ANK3: variants seen among roughly 807,000 people sequenced by gnomAD.
The protein encoded by ANK3 is ankyrin 3.
Under a neutral mutation model 370.9 loss-of-function variants are expected in ANK3, and 57 were observed. The ratio of observed to expected loss-of-function variants is 0.15; its 90% CI spans 0.12 to 0.19. The LOEUF (loss-of-function observed/expected upper bound fraction) is 0.19. ANK3 is among the 10% of genes least tolerant of loss of function. ANK3 has a pLI of 1.00. For synonymous variants in ANK3, 1,929 were observed against 1,946.3 expected, an observed-to-expected ratio of 0.99 and a Z score of 0.23; for missense variants, 4,439 against 5,302.1, an observed-to-expected ratio of 0.84 and a Z score of 5.06.
At chr10:60,715,827 C>T (rs2079778924) in intron 1 of ANK3, among the ~76,000 whole-genome samples, 1 of 152,120 alleles carries the variant, frequency 6.6e-6, no homozygotes, top group East Asian at 1.9e-4. Flanking sequence ...CATTAAGGTT[C>T]TAATCTGAAG....
intron 23 of ANK3, among the ~76,000 whole-genome samples, chr10:60,159,583 A>C (rs1591018473): frequency 6.6e-6 from 1 of 152,200 alleles, no homozygotes; most frequent in Non-Finnish European, 1.5e-5. Context: ...AGACATGCAC[A>C]GAACATTCTA....
intron 2 of ANK3, among the ~76,000 whole-genome samples, chr10:60,410,629 A>G (rs1014212217): frequency 2.0e-5 from 3 of 152,110 alleles, no homozygotes; most frequent in Non-Finnish European, 4.4e-5. Flanking sequence ...TTGATGTGAC[A>G]TGTGGCACCT....
At chr10:60,058,117 G>T (rs1409350946) in intron 41 of ANK3, among the ~76,000 whole-genome samples, 1 of 152,164 alleles carries the variant, frequency 6.6e-6, no homozygotes, top group Non-Finnish European at 1.5e-5. Context: ...ATTACTATTT[G>T]TGTCAGTCAT....
chr10:60,337,022 G>C (rs1010551458), intron 1 of ANK3, among the ~76,000 whole-genome samples: 3 of 112,282 alleles, frequency 2.7e-5, no homozygotes, highest in Non-Finnish European at 4.0e-5. Flanking sequence ...CAAGAAAAAG[G>C]CTTTAAAAAA....
chr10:60,111,414 A>G (rs1385445202), intron 26 of ANK3, among the ~76,000 whole-genome samples: 2 of 152,214 alleles, frequency 1.3e-5, no homozygotes, highest in Non-Finnish European at 2.9e-5. Flanking sequence ...CATGGGTCCT[A>G]TTATTTAATA....
chr10:60,068,094 CA>C, intron 37 of ANK3, 85 bp from the exon 38 acceptor site: 3 of 1,211,624 alleles, frequency 2.5e-6, no homozygotes, highest in Non-Finnish European at 3.6e-6. Context: ...GCAGATTTTA[CA>C]GAGAGACTAA....
At position 60,382,688 on chromosome 10, in the gene ANK3, A is replaced by C. The variant is rs145172150; in HGVS notation, c.114+6737T>G. ...AAACTAGAACAACAATTTGGGCAAAACTATAGCAAATTGCTTGTTATTTCT... is the reference window on the plus strand; with the variant it reads ...AAACTAGAACAACAATTTGGGCAAACCTATAGCAAATTGCTTGTTATTTCT... On this transcript the variant is annotated intron_variant, in intron 1 of 43. Transcript: ENST00000280772. Among the ~76,000 whole-genome samples the C allele has an allele frequency of 5.9e-5, 9 of 151,938 alleles. No individual in the cohort carries two copies. In the East Asian group the frequency reaches 1.7e-3, roughly 29 times the overall value.
intron 1 of ANK3, among the ~76,000 whole-genome samples, chr10:60,338,959 C>A (rs192420126): frequency 2.0e-5 from 3 of 152,046 alleles, no homozygotes; most frequent in Non-Finnish European, 4.4e-5. Context: ...GGTCTGGAAG[C>A]CATGAAGTCT....
chr10:60,038,261 G>T (rs2075466929), intron 43 of ANK3, among the ~76,000 whole-genome samples: 1 of 152,178 alleles, frequency 6.6e-6, no homozygotes, highest in Non-Finnish European at 1.5e-5. Context: ...GCGGGGCATG[G>T]TAGCATGTGC....
At chr10:60,134,402 A>C in intron 24 of ANK3, 29 bp from the exon 25 acceptor site, 2 of 1,561,732 alleles carry the variant, frequency 1.3e-6, no homozygotes, top group Non-Finnish European at 8.8e-7. Context: ...ACCATTCAAC[A>C]GTGGTAGATG....
At position 60,181,281 on chromosome 10, in the gene ANK3, C is replaced by T. The variant is rs760202037; in HGVS notation, c.2184+48G>A. On this transcript the variant is annotated intron_variant, in intron 18 of 43. Transcript: ENST00000280772. ...ATTATAGTTTCTTCCTTACTGCAGTCACCAAATGGACACATTCTTTTCCGT... is the reference window on the plus strand; with the variant it reads ...ATTATAGTTTCTTCCTTACTGCAGTTACCAAATGGACACATTCTTTTCCGT... The T allele has an allele frequency of 3.3e-6, 5 of 1,510,404 alleles. No individual in the cohort carries two copies. The South Asian group carries it at 5.6e-5, about 17-fold the overall frequency. 93.6% of individuals were successfully genotyped at this position (1,510,404 alleles called of 1,614,324 possible).
rs753430967 is a variant in ANK3 at position 60,088,177 on chromosome 10, G to C, written c.3510C>G (p.Ala1170=). ...GGCCCACTCGAATTCTTTTAGTTAG[G>C]GCACCCTCTGGGAAAGATGCTTGAA... ...PLVQASFPEG[A]LTKRIRVGLQ... is the part of the protein sequence containing the mutation. Residue 1170 remains alanine (A), a synonymous_variant, in exon 29 of 44, where the codon GCC becomes GCG. Coordinates refer to ENST00000280772, the MANE Select transcript of ANK3 (RefSeq NM_020987.5). 6.8e-6 allele frequency: 11 copies of C among 1,614,088 alleles called. No homozygotes were observed. The South Asian group carries it at 9.9e-5, about 15-fold the overall frequency.
At chr10:60,204,747 G>A (rs1469821982) in intron 11 of ANK3, among the ~76,000 whole-genome samples, 1 of 152,082 alleles carries the variant, frequency 6.6e-6, no homozygotes, top group Non-Finnish European at 1.5e-5. Flanking sequence ...TTCAGCCTCT[G>A]GGGTTCTTGG....
chr10:60,184,920 A>C (rs2096285658), intron 17 of ANK3, among the ~76,000 whole-genome samples: 2 of 152,218 alleles, frequency 1.3e-5, no homozygotes, highest in Non-Finnish European at 2.9e-5. Flanking sequence ...ATACACTCTG[A>C]TACCAGCATG....
At chr10:60,105,771 A>C in intron 28 of ANK3, 134 bp downstream of exon 28, 1 of 871,286 alleles carries the variant, frequency 1.1e-6, no homozygotes, top group Non-Finnish European at 1.7e-6. Flanking sequence ...AGAAAACAGC[A>C]ACAAAAGCTG....
intron 2 of ANK3, among the ~76,000 whole-genome samples, chr10:60,566,669 T>G (rs2077470532): frequency 1.3e-5 from 2 of 152,106 alleles, no homozygotes; most frequent in Admixed American, 6.5e-5. Context: ...GGCCAGTAAT[T>G]AAAGACCCGT....
intron 1 of ANK3, among the ~76,000 whole-genome samples, chr10:60,723,873 T>G (rs1268118471): frequency 6.6e-6 from 1 of 151,750 alleles, no homozygotes; most frequent in Non-Finnish European, 1.5e-5. Flanking sequence ...TGATGTGAGG[T>G]CAAGAGCCAG....
chr10:60,715,215 A>ATGTGTGTGTGTGTGTGTGTG (rs5785463), intron 1 of ANK3, among the ~76,000 whole-genome samples: 56 of 147,298 alleles, frequency 3.8e-4, no homozygotes, highest in Middle Eastern at 3.5e-3. Flanking sequence ...ACATATACAA[A>ATGTGTGTGTGTGTGTGTGTG]TGTGTGTGTG....
intron 2 of ANK3, among the ~76,000 whole-genome samples, chr10:60,435,303 AAAT>A (rs1236437033): frequency 3.9e-5 from 6 of 152,226 alleles, no homozygotes; most frequent in African/African-American, 7.2e-5. Flanking sequence ...TTTACATTGG[AAAT>A]AATAATCCAT....
Sources: allele counts gnomAD v4.1 joint callset (sites outside exome capture counted in the v4.1 genomes callset), GRCh38; gene constraint gnomAD v4.1.1; transcripts MANE v1.5; gene names NCBI Gene and HGNC (gene_info 2026-07-23, HGNC 2026-07-21).